Variants in PPM1L observed in about 807,000 individuals in gnomAD.
PPM1L encodes protein phosphatase, Mg2+/Mn2+ dependent 1L, also known as protein phosphatase 1L.
Under a neutral mutation model 31.4 loss-of-function variants are expected in PPM1L, and 13 were observed. That is an observed-to-expected ratio of 0.41 (90% CI 0.27 to 0.66). The LOEUF (loss-of-function observed/expected upper bound fraction) is 0.66. Ranked by LOEUF, PPM1L falls within the 30% of genes least tolerant of loss-of-function variation. The pLI is 0.29. For synonymous variants in PPM1L, 184 were observed against 175.4 expected, an observed-to-expected ratio of 1.05 and a Z score of -0.39; for missense variants, 326 against 453.7, an observed-to-expected ratio of 0.72 and a Z score of 2.56.
intron 2 of PPM1L, among the ~76,000 whole-genome samples, chr3:161,029,022 A>C (rs1045235766): frequency 1.3e-5 from 2 of 152,198 alleles, no homozygotes; most frequent in African/African-American, 4.8e-5. Context: ...TATGGTGAGC[A>C]TAATACTTAT....
intron 1 of PPM1L, among the ~76,000 whole-genome samples, chr3:160,840,527 T>C (rs774581165): frequency 2.3e-4 from 35 of 152,198 alleles, no homozygotes; most frequent in Admixed American, 1.5e-3. Context: ...GCATGCAAGC[T>C]GAAGAACCCA....
intron 2 of PPM1L, among the ~76,000 whole-genome samples, chr3:160,980,867 G>A (rs1716775031): frequency 6.6e-6 from 1 of 152,138 alleles, no homozygotes; most frequent in Non-Finnish European, 1.5e-5. Flanking sequence ...TGGACATGCA[G>A]TAAACACTCT....
chr3:160,924,198 A>G (rs1576717370), intron 1 of PPM1L, among the ~76,000 whole-genome samples: 2 of 152,166 alleles, frequency 1.3e-5, no homozygotes, highest in South Asian at 4.1e-4. Flanking sequence ...CCTCTTTGGA[A>G]TTGTCAGTCA....
At chr3:160,764,632 A>C (rs1715059557) in intron 1 of PPM1L, among the ~76,000 whole-genome samples, 1 of 151,866 alleles carries the variant, frequency 6.6e-6, no homozygotes, top group Non-Finnish European at 1.5e-5. Flanking sequence ...ATGCCCAGCT[A>C]ATTTTCATAT....
intron 1 of PPM1L, among the ~76,000 whole-genome samples, chr3:160,814,550 C>T (rs13088512): frequency 0.17 from 13,354 of 79,430 alleles, 2,954 homozygotes; most frequent in African/African-American, 0.45. Flanking sequence ...TGTATATATA[C>T]ACACACACAT....
chr3:160,777,290 C>T (rs139993028), intron 1 of PPM1L, among the ~76,000 whole-genome samples: 1 of 152,196 alleles, frequency 6.6e-6, no homozygotes, highest in East Asian at 1.9e-4. Flanking sequence ...CACTGCACTC[C>T]AGCCTGGGTG....
At chr3:160,934,795 G>A (rs187583170) in intron 1 of PPM1L, among the ~76,000 whole-genome samples, 137 of 152,104 alleles carry the variant, frequency 9.0e-4, no homozygotes, top group African/African-American at 3.2e-3. Context: ...TCCACAAAAA[G>A]TACAAAAATT....
chr3:160,898,857 G>A (rs1342825837), intron 1 of PPM1L, among the ~76,000 whole-genome samples: 2 of 152,190 alleles, frequency 1.3e-5, no homozygotes, highest in Non-Finnish European at 2.9e-5. Context: ...AATTACAGAT[G>A]TGGAGAAGGA....
At chr3:160,811,222 A>G (rs978173513) in intron 1 of PPM1L, among the ~76,000 whole-genome samples, 1 of 152,252 alleles carries the variant, frequency 6.6e-6, no homozygotes, top group African/African-American at 2.4e-5. Context: ...TGGAATGTAT[A>G]TGAAGTGACT....
At chr3:160,862,388 T>A (rs548121709) in intron 1 of PPM1L, among the ~76,000 whole-genome samples, 25 of 152,218 alleles carry the variant, frequency 1.6e-4, no homozygotes, top group Admixed American at 9.2e-4. Flanking sequence ...ATTCAGGCAC[T>A]GAAATGCTAG....
intron 1 of PPM1L, among the ~76,000 whole-genome samples, chr3:160,949,806 C>T (rs771198548): frequency 1.3e-5 from 2 of 152,186 alleles, no homozygotes; most frequent in Non-Finnish European, 2.9e-5. Flanking sequence ...GAACATAGTA[C>T]ATTGTGGTGA....
intron 2 of PPM1L, among the ~76,000 whole-genome samples, chr3:161,031,365 G>A (rs1259288960): frequency 6.6e-6 from 1 of 152,196 alleles, no homozygotes; most frequent in East Asian, 1.9e-4. Context: ...ACCAAAAGAG[G>A]TAAGGTCATT....
chr3:161,041,051 G>GTCATCTACTGTCTC (rs111854221), intron 2 of PPM1L, among the ~76,000 whole-genome samples: 3,969 of 152,226 alleles, frequency 0.026, 88 homozygotes, highest in South Asian at 0.043. Flanking sequence ...GGAAACATTT[G>GTCATCTACTGTCTC]TCATCTACTG....
In PPM1L at chr3:160,905,790, G is replaced by T. The variant is rs1157579909; in HGVS notation, c.400-55946G>T. On this transcript the variant is annotated intron_variant, in intron 1 of 3. Transcript: ENST00000498165. The stretch of plus-strand genomic sequence containing the variant: ...TTTCTGTTCTTAAAATTCTAGTATT[G>T]GTTGACCCTATTCTCATTTGATTTT... 2.0e-5 allele frequency among the ~76,000 whole-genome samples: 3 copies of T among 151,866 alleles called. No individual in the cohort carries two copies. In the East Asian group the frequency reaches 5.8e-4, roughly 29 times the overall value.
At chr3:160,772,140 G>C (rs1715274168) in intron 1 of PPM1L, among the ~76,000 whole-genome samples, 1 of 152,142 alleles carries the variant, frequency 6.6e-6, no homozygotes. Context: ...TGCTGAAGAA[G>C]TCATGGGGTA....
At chr3:160,992,545 C>A (rs1717169092) in intron 2 of PPM1L, among the ~76,000 whole-genome samples, 1 of 152,160 alleles carries the variant, frequency 6.6e-6, no homozygotes, top group Admixed American at 6.5e-5. Context: ...GAGGGATATA[C>A]CTGATTAGGA....
intron 2 of PPM1L, among the ~76,000 whole-genome samples, chr3:161,029,783 A>C (rs374350961): frequency 6.6e-6 from 1 of 152,044 alleles, no homozygotes; most frequent in African/African-American, 2.4e-5. Flanking sequence ...TTTCCTTGCT[A>C]TTCTACTGAG....
intron 1 of PPM1L, among the ~76,000 whole-genome samples, chr3:160,829,156 T>A (rs1254170792): frequency 6.6e-6 from 1 of 151,632 alleles, no homozygotes. Flanking sequence ...GCCTGTTGTT[T>A]CCCCTACCCC....
intron 2 of PPM1L, among the ~76,000 whole-genome samples, chr3:160,973,904 G>C (rs1236246314): frequency 1.3e-5 from 2 of 148,570 alleles, no homozygotes; most frequent in African/African-American, 5.0e-5. Flanking sequence ...AAGTTTTAGG[G>C]TACATGTGCA....
Sources: gnomAD v4.1 joint callset for allele counts (sites outside exome capture counted in the v4.1 genomes callset) on GRCh38, gnomAD v4.1.1 for gene constraint, MANE v1.5 for transcripts, NCBI Gene and HGNC (gene_info 2026-07-23, HGNC 2026-07-21) for gene names.